The following ESR1 variants were observed in gnomAD, a reference collection of about 807,000 sequenced individuals.
ESR1 encodes estrogen receptor 1, also known as estrogen receptor.
Under a neutral mutation model 52.7 loss-of-function variants are expected in ESR1, and 12 were observed. The ratio of observed to expected loss-of-function variants is 0.23; its 90% CI spans 0.15 to 0.37. The LOEUF is 0.37. Among genes scored for constraint, ESR1 ranks in the 10% least tolerant of loss-of-function variants. The probability of loss-of-function intolerance (pLI) is 1.00; values close to 1 mark genes in which losing one functional copy is unlikely to be tolerated. For synonymous variants in ESR1, 305 were observed against 316.8 expected (o/e 0.96, Z 0.39); for missense variants, 584 against 779.7 (o/e 0.75, Z 2.99).
intron 1 of ESR1, among the ~76,000 whole-genome samples, chr6:151,831,332 G>A (rs1012095460): frequency 6.6e-6 from 1 of 151,958 alleles, no homozygotes; most frequent in Non-Finnish European, 1.5e-5. Context: ...TAGAGTTGGG[G>A]TCTTGCTATG....
intron 1 of ESR1, among the ~76,000 whole-genome samples, chr6:151,826,074 G>A (rs1332533692): frequency 6.6e-6 from 1 of 152,048 alleles, no homozygotes; most frequent in Non-Finnish European, 1.5e-5. Context: ...CTGGGATGCG[G>A]GGAGGGGGGT....
chr6:152,073,208 A>G (rs978764392), intron 6 of ESR1, among the ~76,000 whole-genome samples: 2 of 152,230 alleles, frequency 1.3e-5, no homozygotes, highest in African/African-American at 4.8e-5. Flanking sequence ...AAATAGTAAT[A>G]AGTAATACCC....
At chr6:152,127,474 G>A (rs141951358) in exon 7 of ESR1, 1 of 152,022 alleles carries the variant, frequency 6.6e-6, no homozygotes, top group East Asian at 1.9e-4. Flanking sequence ...TGATACCAAG[G>A]GTGTGCCGAC....
chr6:151,885,340 T>C (rs569157770), intron 3 of ESR1, among the ~76,000 whole-genome samples: 1 of 152,264 alleles, frequency 6.6e-6, no homozygotes, highest in East Asian at 1.9e-4. Flanking sequence ...AGTCTAGAGC[T>C]TTAAACAACC....
chr6:151,782,490 C>T (rs1434316137), intron 2 of ESR1, among the ~76,000 whole-genome samples: 1 of 152,102 alleles, frequency 6.6e-6, no homozygotes, highest in Non-Finnish European at 1.5e-5. Context: ...GTAAATGATG[C>T]TTCAATGGAT....
intron 6 of ESR1, among the ~76,000 whole-genome samples, chr6:152,109,332 A>G (rs1328156800): frequency 6.6e-6 from 1 of 152,206 alleles, no homozygotes; most frequent in Non-Finnish European, 1.5e-5. Context: ...ATGTGCATTA[A>G]GAAGCTAGTT....
At chr6:151,972,630 G>A (rs2039025656) in intron 4 of ESR1, among the ~76,000 whole-genome samples, 2 of 152,248 alleles carry the variant, frequency 1.3e-5, no homozygotes, top group South Asian at 4.1e-4. Flanking sequence ...TAAATATGGG[G>A]AATGGTCTTC....
At chr6:151,933,831 T>G (rs530395183) in intron 3 of ESR1, among the ~76,000 whole-genome samples, 1 of 152,298 alleles carries the variant, frequency 6.6e-6, no homozygotes, top group South Asian at 2.1e-4. Flanking sequence ...CAAAATAAAT[T>G]AAACTCAGCC....
At chr6:151,703,933 C>T (rs1203397784) in intron 2 of ESR1, among the ~76,000 whole-genome samples, 2 of 152,246 alleles carry the variant, frequency 1.3e-5, no homozygotes, top group East Asian at 1.9e-4. Flanking sequence ...GACGCTATTG[C>T]GCATCTGCCT....
chr6:151,989,107 A>G (rs986354260), intron 4 of ESR1, among the ~76,000 whole-genome samples: 20 of 152,128 alleles, frequency 1.3e-4, no homozygotes, highest in Middle Eastern at 3.2e-3. Flanking sequence ...GTCTATGTAG[A>G]GAGAGTTATT....
intron 4 of ESR1, among the ~76,000 whole-genome samples, chr6:151,990,142 T>G (rs969403349): frequency 6.6e-6 from 1 of 152,152 alleles, no homozygotes; most frequent in African/African-American, 2.4e-5. Context: ...CTTAAATAAT[T>G]TAAACATCTT....
intron 4 of ESR1, among the ~76,000 whole-genome samples, chr6:151,977,963 GAAA>G (rs5880951): frequency 1.9e-3 from 221 of 118,358 alleles, no homozygotes; most frequent in African/African-American, 5.4e-3. Flanking sequence ...AAAAAAAAAA[GAAA>G]AAAAAAAAAA....
Position 151,719,025 on chromosome 6 carries a change from T to C in ESR1, c.-71+17020T>C, listed in dbSNP as rs556198689. Among the ~76,000 whole-genome samples the C allele has an allele frequency of 2.0e-5, 3 of 152,336 alleles. No individual in the cohort carries two copies. In the South Asian group the frequency reaches 6.2e-4, roughly 32 times the overall value. On this transcript the variant is annotated intron_variant, in intron 2 of 2. Coordinates refer to the ESR1 transcript ENST00000404742. Reference sequence around the variant, plus strand: ...TCTTCCCTTCGTCACGTCCATGTCATCAGGCTCTGCCTTCATCTGCGATCT... The same window carrying C: ...TCTTCCCTTCGTCACGTCCATGTCACCAGGCTCTGCCTTCATCTGCGATCT...
chr6:151,869,509 AT>A (rs1275469186), intron 2 of ESR1, among the ~76,000 whole-genome samples: 4 of 152,112 alleles, frequency 2.6e-5, no homozygotes, highest in African/African-American at 9.7e-5. Context: ...GTGGTCACTG[AT>A]TTCATTATGT....
chr6:152,053,580 C>G lies in ESR1; in HGVS notation c.1236-7411C>G, dbSNP rs1437088432. Among the ~76,000 whole-genome samples, 1 of 151,722 alleles carries G rather than the reference C, an allele frequency of 6.6e-6. No individual in the cohort carries two copies. Among genetic ancestry groups the G allele is most frequent in the Non-Finnish European group, 1.5e-5 (1 of 67,930 alleles). Reference sequence around the variant, plus strand: ...TCTTTCTCTCAATCCCTCTCTCCCTCTTTCTCTCTCTCAATCTGTTTCTCT... The same window carrying G: ...TCTTTCTCTCAATCCCTCTCTCCCTGTTTCTCTCTCTCAATCTGTTTCTCT... On this transcript the variant is annotated intron_variant, in intron 5 of 7. Transcript: ENST00000206249. This position sits in a 1 kb window ranked among gnomAD's most constrained non-coding sequence, Gnocchi z 4.1.
intron 5 of ESR1, among the ~76,000 whole-genome samples, chr6:152,057,653 A>G (rs2047206333): frequency 3.3e-5 from 5 of 151,436 alleles, no homozygotes; most frequent in Admixed American, 3.3e-4. Context: ...AATAGTCAAC[A>G]TATGCCCCCT....
intron 2 of ESR1, among the ~76,000 whole-genome samples, chr6:151,753,525 C>T (rs1052563935): frequency 2.0e-5 from 3 of 151,916 alleles, no homozygotes; most frequent in African/African-American, 7.3e-5. Context: ...ACCGTGTTGA[C>T]TAGGGTGGTC....
At chr6:152,014,281 T>TA (rs112259564) in intron 5 of ESR1, among the ~76,000 whole-genome samples, 3,281 of 152,218 alleles carry the variant, frequency 0.022, 106 homozygotes, top group East Asian at 0.13. Context: ...TTTAGGATGT[T>TA]TAACAGCATC....
At position 151,967,370 on chromosome 6, in the gene ESR1, T is replaced by C. The variant is rs555268001; in HGVS notation, c.1096+22862T>C. On this transcript the variant is annotated intron_variant, in intron 4 of 7. Coordinates refer to ENST00000206249, the MANE Select transcript of ESR1 (RefSeq NM_000125.4). ...CCTTGACAGGTCCCAGTGTGTGATG[T>C]TTCCCTCCCTGTGTCCATGTGTTCT... Among the ~76,000 whole-genome samples the C allele has an allele frequency of 3.3e-5, 5 of 152,242 alleles. No homozygotes were observed. The East Asian group carries it at 9.7e-4, about 29-fold the overall frequency.
Sources: allele counts gnomAD v4.1 joint callset (sites outside exome capture counted in the v4.1 genomes callset), GRCh38; gene constraint gnomAD v4.1.1; non-coding constraint Gnocchi (gnomAD v3.1); transcripts MANE v1.5; gene names NCBI Gene and HGNC (gene_info 2026-07-23, HGNC 2026-07-21).